The following BASP1 variants were observed in gnomAD, a reference collection of about 807,000 sequenced individuals.
The protein encoded by BASP1 is brain abundant membrane attached signal protein 1.
In BASP1, 1 loss-of-function variant was observed where a neutral mutation model predicts 2.2. That is an observed-to-expected ratio of 0.46 (90% CI 0.16 to 2.17). The LOEUF is 2.17. Ranked by LOEUF, BASP1 falls within the 30% of genes most tolerant of loss-of-function variation. The probability of loss-of-function intolerance (pLI) is 0.27; values close to 1 mark genes in which losing one functional copy is unlikely to be tolerated. For synonymous variants in BASP1, 187 were observed against 154.2 expected (o/e 1.21, Z -1.58); for missense variants, 352 against 327.2 (o/e 1.08, Z -0.58).
rs1412661947 is a variant in BASP1, at chr5:17,260,113, C to T, written c.-9-15095C>T. 6.6e-6 allele frequency among the ~76,000 whole-genome samples: 1 copy of T among 152,122 alleles called. No individual in the cohort carries two copies. Among genetic ancestry groups the T allele is most frequent in the Non-Finnish European group, 1.5e-5 (1 of 68,036 alleles). ...ATAACTGGGGCTTTTGAAAGGACCACCCGTTAAGTGCAAATAAATAACAAT... is the reference window on the plus strand; with the variant it reads ...ATAACTGGGGCTTTTGAAAGGACCATCCGTTAAGTGCAAATAAATAACAAT... On this transcript the variant is annotated intron_variant, in intron 1 of 1. Coordinates refer to ENST00000322611, the MANE Select transcript of BASP1 (RefSeq NM_006317.5). The surrounding 1 kb of genome is among the most constrained non-coding windows in gnomAD (Gnocchi z 4.2).
At position 17,235,617 on chromosome 5, in the gene BASP1, C is replaced by T. The variant is rs191848234; in HGVS notation, c.-10+17807C>T. Among the ~76,000 whole-genome samples the T allele has an allele frequency of 3.0e-3, 464 of 152,226 alleles. 2 individuals are homozygous for T. Among genetic ancestry groups the T allele is most frequent in the Non-Finnish European group, 5.1e-3 (344 of 67,998 alleles). ...TTTCCTTACATCCCTATTCAGATGT[C>T]GACGTTACTTTTGCTCAAAAGTGCT... is the stretch of plus-strand genomic sequence containing the variant. On this transcript the variant is annotated intron_variant, in intron 1 of 1. Transcript: ENST00000322611.
chr5:17,254,387 A>G (rs1022185634), intron 1 of BASP1, among the ~76,000 whole-genome samples: 1 of 152,210 alleles, frequency 6.6e-6, no homozygotes, highest in Non-Finnish European at 1.5e-5. Context: ...GGGAAGTGCT[A>G]TGAATCTACT....
At chr5:17,253,171 T>C (rs1172753315) in intron 1 of BASP1, among the ~76,000 whole-genome samples, 1 of 152,204 alleles carries the variant, frequency 6.6e-6, no homozygotes, top group Non-Finnish European at 1.5e-5. Flanking sequence ...TTTAGTTACT[T>C]TAAAAAGGAC....
At chr5:17,218,053 G>A (rs979965855) in intron 1 of BASP1, among the ~76,000 whole-genome samples, 7 of 151,912 alleles carry the variant, frequency 4.6e-5, no homozygotes, top group Admixed American at 2.0e-4. Context: ...TGGTGGAGGG[G>A]TGAGGGGGGC....
At position 17,275,757 on chromosome 5, in the gene BASP1, C is replaced by A. The variant is rs375359204; in HGVS notation, c.541C>A (p.Pro181Thr). 7.9e-5 allele frequency: 127 copies of A among 1,612,494 alleles called. 1 individual carries two copies. The East Asian group carries it at 1.8e-3, about 23-fold the overall frequency. ...AAAACCCGGCAGCTCGGAGGCTGCC[C>A]CCTCTTCCAAGGAGACCCCCGCAGC... ...DSKPGSSEAA[P>T]SSKETPAATE... Residue 181 changes from proline to threonine, a missense_variant, in exon 2 of 2, where the codon CCC (proline) becomes ACC (threonine). Pro to Thr is a conservative substitution (Grantham distance 38). Transcript: ENST00000322611. The surrounding 1 kb of genome is among the most constrained non-coding windows in gnomAD (Gnocchi z 5.3).
At chr5:17,239,314 C>T (rs955636696) in intron 1 of BASP1, among the ~76,000 whole-genome samples, 2 of 152,154 alleles carry the variant, frequency 1.3e-5, no homozygotes, top group Non-Finnish European at 1.5e-5. Context: ...AGGATGGTCT[C>T]GATCTCCTGA....
chr5:17,243,714 G>T (rs1739918911), intron 1 of BASP1, among the ~76,000 whole-genome samples: 1 of 152,134 alleles, frequency 6.6e-6, no homozygotes, highest in Admixed American at 6.5e-5. Context: ...TGATCTTGTT[G>T]TTGGTGAACT....
rs570343998 is a variant in BASP1, at chr5:17,232,457, A to C, written c.-10+14647A>C. Among the ~76,000 whole-genome samples, 3 of 152,322 alleles carry C rather than the reference A, an allele frequency of 2.0e-5. No individual in the cohort carries two copies. In the East Asian group the frequency reaches 5.8e-4, roughly 29 times the overall value. ...ATGAAGTAAAAACGAATTTAGCTCT[A>C]ATTCTGCGCTGTGACTACTTACTCT... On this transcript the variant is annotated intron_variant, in intron 1 of 1. Coordinates refer to ENST00000322611, the MANE Select transcript of BASP1 (RefSeq NM_006317.5).
chr5:17,250,950 C>G (rs999946948), intron 1 of BASP1, among the ~76,000 whole-genome samples: 1 of 71,176 alleles, frequency 1.4e-5, no homozygotes, highest in Non-Finnish European at 3.2e-5. Flanking sequence ...TGGTTTTGAG[C>G]GATCTACACG....
In BASP1 at chr5:17,275,614, C is replaced by G; in HGVS notation, c.398C>G (p.Ala133Gly). 6.8e-7 allele frequency: 1 copy of G among 1,470,282 alleles called. No individual in the cohort carries two copies. The highest frequency in any genetic ancestry group is 1.4e-5 in the South Asian group (1 of 73,004). 91.1% of individuals were successfully genotyped at this position (1,470,282 alleles called of 1,614,324 possible). A position where few individuals can be genotyped will look rare whatever the true frequency, so the allele number is the denominator to read the frequency against. ...AEAAAAPAES[A>G]APAAGEEPSK... The stretch of plus-strand genomic sequence containing the variant: ...GCCGCCGCGGCCCCGGCCGAGAGCG[C>G]GGCCCCTGCCGCCGGGGAGGAGCCC... The change falls in exon 2 of 2, where the codon GCG (alanine) becomes GGG (glycine). Residue 133 changes from alanine to glycine, a missense_variant. Ala to Gly is a moderately conservative substitution (Grantham distance 60). Transcript: ENST00000322611. This position sits in a 1 kb window ranked among gnomAD's most constrained non-coding sequence, Gnocchi z 5.3.
chr5:17,268,645 A>G (rs1204675872), intron 1 of BASP1, among the ~76,000 whole-genome samples: 3 of 152,204 alleles, frequency 2.0e-5, no homozygotes, highest in Admixed American at 6.5e-5. Context: ...ATCTGAAGGG[A>G]TAAGGAATAT....
chr5:17,241,710 G>T (rs544401766), intron 1 of BASP1, among the ~76,000 whole-genome samples: 1 of 152,192 alleles, frequency 6.6e-6, no homozygotes, highest in South Asian at 2.1e-4. Context: ...ACTGGAGTGA[G>T]CCAGTGTGTG....
intron 1 of BASP1, among the ~76,000 whole-genome samples, chr5:17,255,877 A>AAT (rs1740200475): frequency 6.6e-6 from 1 of 152,208 alleles, no homozygotes; most frequent in Non-Finnish European, 1.5e-5. Flanking sequence ...TGCTGTCACC[A>AAT]GTATATTTCA....
rs989112085 is a variant in BASP1 at position 17,247,744 on chromosome 5, T to A, written c.-9-27464T>A. 3.9e-5 allele frequency among the ~76,000 whole-genome samples: 6 copies of A among 152,334 alleles called. No individual in the cohort carries two copies. In the East Asian group the frequency reaches 5.8e-4, roughly 15 times the overall value. Reference sequence around the variant, plus strand: ...GTGAGGCAGCGGCAGGAATGAAGTGTGTTCGTGTCCGTGTGCTGGCGCTTC... The same window carrying A: ...GTGAGGCAGCGGCAGGAATGAAGTGAGTTCGTGTCCGTGTGCTGGCGCTTC... On this transcript the variant is annotated intron_variant, in intron 1 of 1. Transcript: ENST00000322611.
chr5:17,230,923 A>G (rs1334256379), intron 1 of BASP1, among the ~76,000 whole-genome samples: 1 of 152,106 alleles, frequency 6.6e-6, no homozygotes, highest in Non-Finnish European at 1.5e-5. Context: ...TAATTCAGTT[A>G]TTGCTTTCCT....
intron 1 of BASP1, among the ~76,000 whole-genome samples, chr5:17,227,704 A>G (rs1415476582): frequency 1.3e-5 from 2 of 152,166 alleles, no homozygotes; most frequent in Admixed American, 1.3e-4. Flanking sequence ...ATGCCCGGCC[A>G]ATAACTCATT....
chr5:17,271,722 C>A (rs577163999), intron 1 of BASP1, among the ~76,000 whole-genome samples: 1 of 152,274 alleles, frequency 6.6e-6, no homozygotes, highest in Admixed American at 6.5e-5. Flanking sequence ...GAAGTTCCAA[C>A]TTCTAACTTT....
At position 17,236,569 on chromosome 5, in the gene BASP1, G is replaced by T. The variant is rs946403471; in HGVS notation, c.-10+18759G>T. Among the ~76,000 whole-genome samples the T allele has an allele frequency of 6.6e-6, 1 of 152,058 alleles. No individual in the cohort carries two copies. Among genetic ancestry groups the T allele is most frequent in the African/African-American group, 2.4e-5 (1 of 41,420 alleles). On this transcript the variant is annotated intron_variant, in intron 1 of 1. Transcript: ENST00000322611. This position sits in a 1 kb window ranked among gnomAD's most constrained non-coding sequence, Gnocchi z 4.0. ...CGTGAGCCACCGCGCTCGGCCGAGA[G>T]CTAGTTTCCTGATTGATAAAATGTT... is the stretch of plus-strand genomic sequence containing the variant.
chr5:17,234,860 G>GC (rs1286687872), intron 1 of BASP1, among the ~76,000 whole-genome samples: 1 of 152,134 alleles, frequency 6.6e-6, no homozygotes, highest in East Asian at 1.9e-4. Flanking sequence ...GCCTGACTAA[G>GC]CCATGTGAGA....
Sources: allele counts gnomAD v4.1 joint callset (sites outside exome capture counted in the v4.1 genomes callset), GRCh38; gene constraint gnomAD v4.1.1; non-coding constraint Gnocchi (gnomAD v3.1); transcripts MANE v1.5; gene names NCBI Gene and HGNC (gene_info 2026-07-23, HGNC 2026-07-21).